CDK14: variants seen among roughly 807,000 people sequenced by gnomAD.
The protein encoded by CDK14 is cyclin-dependent kinase 14.
A neutral mutation model predicts 60.7 loss-of-function variants in CDK14; 34 were observed. The ratio of observed to expected loss-of-function variants is 0.56; its 90% CI spans 0.43 to 0.75. CDK14 has a LOEUF of 0.75. Among genes scored for constraint, CDK14 ranks in the 30% least tolerant of loss-of-function variants. CDK14 has a pLI of 0.00. For missense variants in CDK14, 482 were observed against 564.1 expected (o/e 0.85, Z 1.47); for synonymous variants, 197 against 203.7 (o/e 0.97, Z 0.28).
At chr7:90,614,041 T>C (rs2116349429) in intron 2 of CDK14, among the ~76,000 whole-genome samples, 1 of 150,852 alleles carries the variant, frequency 6.6e-6, no homozygotes, top group East Asian at 2.0e-4. Context: ...AGTTTCGCTC[T>C]TGTTGCCTAG....
At chr7:90,952,180 T>C (rs1341636324) in intron 8 of CDK14, among the ~76,000 whole-genome samples, 1 of 152,122 alleles carries the variant, frequency 6.6e-6, no homozygotes, top group Admixed American at 6.6e-5. Flanking sequence ...GAGGCTGTTA[T>C]GATGAGGCCT....
chr7:90,914,219 A>C (rs1413673463), intron 7 of CDK14, among the ~76,000 whole-genome samples: 1 of 152,170 alleles, frequency 6.6e-6, no homozygotes, highest in African/African-American at 2.4e-5. Context: ...TTGAAATTTT[A>C]CAAGTAATGA....
chr7:91,056,169 C>A (rs895730669), intron 11 of CDK14, among the ~76,000 whole-genome samples: 2 of 152,132 alleles, frequency 1.3e-5, no homozygotes, highest in African/African-American at 4.8e-5. Context: ...GACCACAGTA[C>A]CTTGAGTAGG....
intron 2 of CDK14, among the ~76,000 whole-genome samples, chr7:90,724,083 T>C (rs1299069543): frequency 2.0e-5 from 3 of 152,218 alleles, no homozygotes; most frequent in African/African-American, 7.2e-5. Context: ...TTTGTGGTAA[T>C]GTTTTTGACC....
chr7:90,799,690 C>CAAAAAA (rs11353946), intron 5 of CDK14, among the ~76,000 whole-genome samples: 3 of 53,564 alleles, frequency 5.6e-5, no homozygotes, highest in African/African-American at 7.2e-5. Context: ...AACTCCATCT[C>CAAAAAA]AAAAAAAAAA....
intron 2 of CDK14, among the ~76,000 whole-genome samples, chr7:90,663,231 A>G (rs1800899825): frequency 6.6e-6 from 1 of 152,108 alleles, no homozygotes; most frequent in Non-Finnish European, 1.5e-5. Context: ...CTTCATGTGT[A>G]TTGCTTTGAA....
chr7:90,819,675 G>T (rs2117072767), intron 5 of CDK14, among the ~76,000 whole-genome samples: 2 of 152,096 alleles, frequency 1.3e-5, no homozygotes, highest in Middle Eastern at 6.8e-3. Context: ...CCAGTTTTTT[G>T]ATAGCTTTCA....
At chr7:90,919,819 G>T (rs191007745) in intron 8 of CDK14, among the ~76,000 whole-genome samples, 289 of 152,136 alleles carry the variant, frequency 1.9e-3, no homozygotes, top group Non-Finnish European at 3.6e-3. Context: ...TCACTATTAT[G>T]CTCAGTCCTG....
intron 12 of CDK14, among the ~76,000 whole-genome samples, chr7:91,091,597 A>T (rs1220425773): frequency 6.8e-6 from 1 of 147,956 alleles, no homozygotes; most frequent in Non-Finnish European, 1.5e-5. Context: ...TGAGCCTGGA[A>T]TGCAGAGGTT....
At chr7:90,608,438 A>C (rs1261453888) in intron 2 of CDK14, 2 of 350,246 alleles carry the variant, frequency 5.7e-6, no homozygotes, top group East Asian at 3.3e-4. Flanking sequence ...AATAGTTGGA[A>C]ATGGTGATAG....
chr7:90,690,109 A>G (rs977494002), intron 2 of CDK14, among the ~76,000 whole-genome samples: 6 of 152,192 alleles, frequency 3.9e-5, no homozygotes, highest in African/African-American at 1.4e-4. Context: ...AAATCTGATC[A>G]TTTGTACTAG....
chr7:90,730,434 G>T lies in CDK14; in HGVS notation c.369+3622G>T, dbSNP rs373250525. Among the ~76,000 whole-genome samples the T allele has an allele frequency of 2.0e-4, 30 of 152,288 alleles. No individual in the cohort carries two copies. The East Asian group carries it at 4.6e-3, about 24-fold the overall frequency. On this transcript the variant is annotated intron_variant, in intron 3 of 14. Transcript: ENST00000380050. ...TAGATCCTTGAGGAATTGCCACACT[G>T]TCTTCCACGATGATTGAACTAATTT...
rs537391274 is a variant in CDK14 at position 91,171,298 on chromosome 7, C to T, written c.*29-35867C>T. On this transcript the variant is annotated intron_variant, in intron 14 of 14. Coordinates refer to ENST00000380050, the MANE Select transcript of CDK14 (RefSeq NM_001287135.2). ...CCGGGAGGTGGAGCTTGCAGTGAGC[C>T]GAGATCGCGCCACTGCACTCCAGCC... Among the ~76,000 whole-genome samples, 33 of 151,888 alleles carry T rather than the reference C, an allele frequency of 2.2e-4. 1 individual carries two copies. In the South Asian group the frequency reaches 4.8e-3, roughly 22 times the overall value.
chr7:90,719,703 A>G (rs954323414), intron 2 of CDK14, among the ~76,000 whole-genome samples: 4 of 152,132 alleles, frequency 2.6e-5, no homozygotes, highest in African/African-American at 9.7e-5. Context: ...TCTAGCTTCT[A>G]TTGAATTTAC....
chr7:90,616,873 C>A (rs1245064711), intron 2 of CDK14, among the ~76,000 whole-genome samples: 2 of 151,136 alleles, frequency 1.3e-5, no homozygotes, highest in African/African-American at 2.4e-5. Flanking sequence ...TCATCATCAT[C>A]ATATATATAT....
Position 91,041,581 on chromosome 7 carries a change from A to C in CDK14, c.1042-4316A>C, listed in dbSNP as rs112312264. Among the ~76,000 whole-genome samples the C allele has an allele frequency of 8.3e-3, 1,267 of 152,340 alleles. 8 individuals are homozygous for C. The highest frequency in any genetic ancestry group is 0.013 in the Non-Finnish European group (911 of 68,022). ...TCACTATGCACACACACAAAGATGT[A>C]ACTTGAACAACAGTTTCATAAAACA... is the stretch of plus-strand genomic sequence containing the variant. On this transcript the variant is annotated intron_variant, in intron 10 of 14. Transcript: ENST00000380050.
intron 7 of CDK14, among the ~76,000 whole-genome samples, chr7:90,901,672 A>ATG (rs1263174093): frequency 2.1e-4 from 13 of 62,320 alleles, no homozygotes; most frequent in East Asian, 4.0e-4. Flanking sequence ...CAAGCTTTAT[A>ATG]TGTATATATA....
intron 2 of CDK14, among the ~76,000 whole-genome samples, chr7:90,658,470 C>T (rs1250440653): frequency 1.3e-5 from 2 of 152,148 alleles, no homozygotes; most frequent in African/African-American, 2.4e-5. Context: ...CCCCAGGGCC[C>T]GCCTCGTAAT....
intron 14 of CDK14, among the ~76,000 whole-genome samples, chr7:91,188,772 G>A (rs1802266093): frequency 6.6e-6 from 1 of 152,152 alleles, no homozygotes; most frequent in African/African-American, 2.4e-5. Flanking sequence ...AAAATAAGGT[G>A]TGACTGTAGA....
Sources: allele counts gnomAD v4.1 joint callset (sites outside exome capture counted in the v4.1 genomes callset), GRCh38; gene constraint gnomAD v4.1.1; transcripts MANE v1.5; gene names NCBI Gene and HGNC (gene_info 2026-07-23, HGNC 2026-07-21).